The following ROBO2 variants were observed in gnomAD, a reference collection of about 807,000 sequenced individuals.
The protein encoded by ROBO2 is roundabout guidance receptor 2, also known as roundabout homolog 2.
In ROBO2, 53 loss-of-function variants were observed where a neutral mutation model predicts 160.8. The observed-to-expected ratio is 0.33, with a 90% CI of 0.26 to 0.41. ROBO2 has a LOEUF of 0.41. Ranked by LOEUF, ROBO2 falls within the 10% of genes least tolerant of loss-of-function variation. The probability of loss-of-function intolerance (pLI) is 1.00; values close to 1 mark genes in which losing one functional copy is unlikely to be tolerated. For synonymous variants in ROBO2, 664 were observed against 611.7 expected (o/e 1.09, Z -1.26); for missense variants, 1,577 against 1,722.4 (o/e 0.92, Z 1.49).
chr3:76,975,225 C>T (rs2059756375), intron 2 of ROBO2, among the ~76,000 whole-genome samples: 1 of 152,134 alleles, frequency 6.6e-6, no homozygotes, highest in Non-Finnish European at 1.5e-5. Context: ...GAAATGAGGG[C>T]TGGGTGTGGT....
At chr3:76,170,081 T>C (rs1470729592) in intron 2 of ROBO2, among the ~76,000 whole-genome samples, 1 of 152,098 alleles carries the variant, frequency 6.6e-6, no homozygotes, top group Non-Finnish European at 1.5e-5. Flanking sequence ...TGCCTGGCCA[T>C]CGTTAAGGAT....
chr3:76,223,679 C>A (rs1040751301), intron 2 of ROBO2, among the ~76,000 whole-genome samples: 1 of 152,270 alleles, frequency 6.6e-6, no homozygotes, highest in African/African-American at 2.4e-5. Context: ...GGTCAATAAT[C>A]TGAGTATCAG....
In ROBO2 at chr3:76,857,569, T is replaced by C. The variant is rs2070265188; in HGVS notation, c.110-240445T>C. 3.9e-5 allele frequency among the ~76,000 whole-genome samples: 6 copies of C among 152,240 alleles called. No individual in the cohort carries two copies. In the South Asian group the frequency reaches 1.2e-3, roughly 32 times the overall value. On this transcript the variant is annotated intron_variant, in intron 2 of 26. Coordinates refer to the ROBO2 transcript ENST00000487694. Reference sequence around the variant, plus strand: ...ATTTTCTTCACTACCCAAAACAATTTTGATGGCCCGTTGGGTTTCAGCACT... The same window carrying C: ...ATTTTCTTCACTACCCAAAACAATTCTGATGGCCCGTTGGGTTTCAGCACT...
intron 2 of ROBO2, among the ~76,000 whole-genome samples, chr3:76,489,508 T>G (rs1282749107): frequency 2.0e-5 from 3 of 152,140 alleles, no homozygotes; most frequent in Non-Finnish European, 4.4e-5. Flanking sequence ...AGCTTTAAAA[T>G]GTTATAATTT....
intron 2 of ROBO2, among the ~76,000 whole-genome samples, chr3:76,429,244 T>C (rs1240837196): frequency 1.3e-5 from 2 of 151,982 alleles, no homozygotes; most frequent in African/African-American, 4.8e-5. Context: ...TTGTATATGC[T>C]ATGTCCAAGG....
intron 2 of ROBO2, among the ~76,000 whole-genome samples, chr3:76,186,004 GCT>G (rs1701745835): frequency 6.7e-6 from 1 of 148,840 alleles, no homozygotes; most frequent in Non-Finnish European, 1.5e-5. Context: ...TTTTATCACA[GCT>G]CACTGCAGCA....
At chr3:76,108,904 A>G (rs1007576797) in intron 2 of ROBO2, among the ~76,000 whole-genome samples, 2 of 151,456 alleles carry the variant, frequency 1.3e-5, no homozygotes, top group African/African-American at 4.8e-5. Flanking sequence ...ATTAAAATGT[A>G]ATTTTATTAG....
intron 2 of ROBO2, among the ~76,000 whole-genome samples, chr3:75,956,925 G>T (rs574726515): frequency 1.3e-5 from 2 of 151,702 alleles, no homozygotes; most frequent in Admixed American, 6.6e-5. Context: ...TTCTTTCATT[G>T]TTGCTTTTTC....
intron 2 of ROBO2, among the ~76,000 whole-genome samples, chr3:76,568,552 C>G (rs980656564): frequency 4.1e-4 from 62 of 151,488 alleles, no homozygotes; most frequent in Non-Finnish European, 7.5e-4. Flanking sequence ...GTGATCCACC[C>G]GCCTCGGCCT....
intron 2 of ROBO2, among the ~76,000 whole-genome samples, chr3:76,213,016 A>G (rs944108042): frequency 8.5e-5 from 13 of 152,164 alleles, no homozygotes; most frequent in Non-Finnish European, 5.9e-5. Context: ...CTATCTCTTT[A>G]GCCACATTAT....
chr3:77,178,173 C>A (rs188239955), intron 2 of ROBO2, among the ~76,000 whole-genome samples: 11 of 152,038 alleles, frequency 7.2e-5, no homozygotes, highest in Admixed American at 4.6e-4. Flanking sequence ...TATGGGCGCG[C>A]TACAAGGTAG....
At chr3:77,494,766 CT>C (rs2086579975) in intron 5 of ROBO2, among the ~76,000 whole-genome samples, 6 of 119,496 alleles carry the variant, frequency 5.0e-5, no homozygotes, top group Admixed American at 4.7e-4. Context: ...TGATTGGATA[CT>C]TTACTTCAAA....
chr3:77,315,300 T>C (rs2153425738), intron 2 of ROBO2, among the ~76,000 whole-genome samples: 1 of 152,316 alleles, frequency 6.6e-6, no homozygotes. Flanking sequence ...ATTTTATTAT[T>C]CAGACCACAT....
At chr3:77,277,211 T>C (rs564190460) in intron 2 of ROBO2, among the ~76,000 whole-genome samples, 16 of 116,468 alleles carry the variant, frequency 1.4e-4, no homozygotes, top group African/African-American at 4.3e-4. Flanking sequence ...TTTCTTTCTT[T>C]CTTCTTTCTT....
At chr3:76,895,287 G>A (rs1483855933) in intron 2 of ROBO2, among the ~76,000 whole-genome samples, 9 of 152,100 alleles carry the variant, frequency 5.9e-5, no homozygotes, top group South Asian at 2.1e-4. Flanking sequence ...CTGGTGGTAC[G>A]CAAAATACCT....
intron 2 of ROBO2, among the ~76,000 whole-genome samples, chr3:75,995,994 A>T (rs2065716620): frequency 6.6e-6 from 1 of 152,114 alleles, no homozygotes; most frequent in Admixed American, 6.5e-5. Context: ...TCATGGGAGC[A>T]ACTAACTTGA....
intron 2 of ROBO2, among the ~76,000 whole-genome samples, chr3:76,824,702 A>G (rs2066416075): frequency 6.6e-6 from 1 of 152,154 alleles, no homozygotes; most frequent in African/African-American, 2.4e-5. Flanking sequence ...ACTAAGGGGT[A>G]AAGAGAATTC....
intron 2 of ROBO2, among the ~76,000 whole-genome samples, chr3:76,754,823 A>G (rs2060876452): frequency 6.6e-6 from 1 of 151,912 alleles, no homozygotes; most frequent in Non-Finnish European, 1.5e-5. Flanking sequence ...TTGTGGCACT[A>G]TTGTGTGACA....
intron 2 of ROBO2, among the ~76,000 whole-genome samples, chr3:77,007,945 A>G (rs1277070541): frequency 6.6e-6 from 1 of 152,086 alleles, no homozygotes; most frequent in Non-Finnish European, 1.5e-5. Context: ...GAATTTCAAC[A>G]CTGCATAATT....
Sources: gnomAD v4.1 joint callset for allele counts (sites outside exome capture counted in the v4.1 genomes callset) on GRCh38, gnomAD v4.1.1 for gene constraint, MANE v1.5 for transcripts, NCBI Gene and HGNC (gene_info 2026-07-23, HGNC 2026-07-21) for gene names.